The following DSCAM variants were observed in gnomAD, a reference collection of about 807,000 sequenced individuals.
DSCAM encodes cell adhesion molecule DSCAM.
DSCAM carries 47 observed loss-of-function variants against 217.7 expected under a neutral mutation model. That is an observed-to-expected ratio of 0.22 (90% CI 0.17 to 0.28). The LOEUF is 0.28. Among genes scored for constraint, DSCAM ranks in the 10% least tolerant of loss-of-function variants. DSCAM has a pLI of 1.00. For missense variants in DSCAM, 2,080 were observed against 2,618.3 expected (o/e 0.79, Z 4.49); for synonymous variants, 1,056 against 1,015.3 (o/e 1.04, Z -0.76).
At chr21:40,441,365 C>G (rs1317241388) in intron 3 of DSCAM, among the ~76,000 whole-genome samples, 2 of 152,164 alleles carry the variant, frequency 1.3e-5, no homozygotes, top group Non-Finnish European at 2.9e-5. Context: ...GAGCGTTGAC[C>G]ATGTGTGAGT....
In DSCAM at chr21:40,144,136, T is replaced by C. The variant is rs1390883227; in HGVS notation, c.3259+355A>G. On this transcript the variant is annotated intron_variant, in intron 17 of 32. Transcript: ENST00000400454. The surrounding 1 kb of genome is among the most constrained non-coding windows in gnomAD (Gnocchi z 4.8). ...TAAATTTTAAAAAACCTTCTTAACA[T>C]TTGGGAGAAAGTTTTTTAGCAAATA... 1.3e-5 allele frequency among the ~76,000 whole-genome samples: 2 copies of C among 152,196 alleles called. No individual in the cohort carries two copies. The highest frequency in any genetic ancestry group is 1.3e-4 in the Admixed American group (2 of 15,286).
intron 3 of DSCAM, among the ~76,000 whole-genome samples, chr21:40,379,919 C>T (rs1306080482): frequency 7.2e-5 from 11 of 151,988 alleles, no homozygotes; most frequent in Admixed American, 7.2e-4. Context: ...ATAATGAAGC[C>T]CCAGCGTGGA....
At chr21:40,750,214 C>T (rs370773582) in intron 1 of DSCAM, among the ~76,000 whole-genome samples, 3 of 152,148 alleles carry the variant, frequency 2.0e-5, no homozygotes, top group African/African-American at 7.2e-5. Flanking sequence ...AGGCATGAGC[C>T]ACCATGCCTG....
At chr21:40,582,467 G>A (rs982847973) in intron 3 of DSCAM, among the ~76,000 whole-genome samples, 2 of 152,118 alleles carry the variant, frequency 1.3e-5, no homozygotes, top group Admixed American at 6.5e-5. Context: ...AGGATCAAGA[G>A]CAACACATTC....
intron 19 of DSCAM, among the ~76,000 whole-genome samples, chr21:40,132,218 C>T (rs1300459645): frequency 6.6e-6 from 1 of 152,138 alleles, no homozygotes; most frequent in African/African-American, 2.4e-5. Flanking sequence ...CAGGTGTTTT[C>T]AGACACCACT....
At chr21:40,382,916 G>T (rs1201132136) in intron 3 of DSCAM, among the ~76,000 whole-genome samples, 1 of 152,186 alleles carries the variant, frequency 6.6e-6, no homozygotes, top group Non-Finnish European at 1.5e-5. Context: ...TACCTAAAAG[G>T]CTAATTCCTA....
chr21:40,324,104 A>G (rs2074290004), intron 8 of DSCAM, among the ~76,000 whole-genome samples: 3 of 46,540 alleles, frequency 6.4e-5, no homozygotes, highest in Admixed American at 2.7e-4. Context: ...ACTCTGTCTC[A>G]AAAAAAAAAA....
chr21:40,811,905 A>C (rs922557529), intron 1 of DSCAM, among the ~76,000 whole-genome samples: 7 of 152,158 alleles, frequency 4.6e-5, no homozygotes, highest in African/African-American at 1.7e-4. Flanking sequence ...CTCACTTCTT[A>C]GTGCCTTTAG....
intron 11 of DSCAM, among the ~76,000 whole-genome samples, chr21:40,214,315 A>G (rs1236815188): frequency 1.3e-5 from 2 of 152,202 alleles, no homozygotes; most frequent in South Asian, 2.1e-4. Context: ...CTGAGACTCT[A>G]AAGAGTGGCA....
intron 27 of DSCAM, among the ~76,000 whole-genome samples, chr21:40,065,022 C>T (rs1007966944): frequency 6.6e-6 from 1 of 151,948 alleles, no homozygotes; most frequent in Admixed American, 6.6e-5. Context: ...AGGCTCTGGG[C>T]ATTAGAGAAG....
intron 14 of DSCAM, among the ~76,000 whole-genome samples, chr21:40,182,180 A>T (rs2090811500): frequency 6.6e-6 from 1 of 152,198 alleles, no homozygotes; most frequent in African/African-American, 2.4e-5. Flanking sequence ...CTGGAGGTGA[A>T]TTACATGAAA....
intron 10 of DSCAM, among the ~76,000 whole-genome samples, chr21:40,281,861 A>G (rs1601514612): frequency 6.6e-6 from 1 of 152,294 alleles, no homozygotes; most frequent in East Asian, 1.9e-4. Context: ...TTCATTTTCC[A>G]AAGCACTTTG....
At chr21:40,484,302 T>G (rs999738264) in intron 3 of DSCAM, among the ~76,000 whole-genome samples, 2 of 152,102 alleles carry the variant, frequency 1.3e-5, no homozygotes, top group African/African-American at 4.8e-5. Flanking sequence ...ATCCATCCTA[T>G]CTATACCTTA....
intron 32 of DSCAM, among the ~76,000 whole-genome samples, chr21:40,042,075 A>C (rs2088761333): frequency 6.6e-6 from 1 of 152,194 alleles, no homozygotes; most frequent in South Asian, 2.1e-4. Flanking sequence ...AGAGGCCAGC[A>C]CAGGGAGAAC....
At chr21:40,688,008 C>G (rs2090500407) in intron 3 of DSCAM, among the ~76,000 whole-genome samples, 1 of 152,242 alleles carries the variant, frequency 6.6e-6, no homozygotes, top group East Asian at 1.9e-4. Context: ...GAAAATTGTT[C>G]ACGTTTAGCC....
chr21:40,781,489 T>G (rs2091543991), intron 1 of DSCAM, among the ~76,000 whole-genome samples: 1 of 152,206 alleles, frequency 6.6e-6, no homozygotes, highest in African/African-American at 2.4e-5. Context: ...AGACACAGAT[T>G]TGTTTTCAAC....
intron 3 of DSCAM, among the ~76,000 whole-genome samples, chr21:40,671,432 T>C (rs1601837767): frequency 1.3e-5 from 2 of 152,188 alleles, no homozygotes; most frequent in East Asian, 1.9e-4. Context: ...TCCCAGCAGT[T>C]TGGGAGGCTG....
chr21:40,593,145 A>C (rs961002912), intron 3 of DSCAM, among the ~76,000 whole-genome samples: 6 of 152,134 alleles, frequency 3.9e-5, no homozygotes, highest in African/African-American at 1.4e-4. Flanking sequence ...CATATGTTTT[A>C]TATATTGGAA....
chr21:40,279,316 G>C (rs1351122927), intron 10 of DSCAM, among the ~76,000 whole-genome samples: 1 of 152,032 alleles, frequency 6.6e-6, no homozygotes, highest in Non-Finnish European at 1.5e-5. Flanking sequence ...GTATAATGTA[G>C]ATAATTTAAA....
Sources: gnomAD v4.1 joint callset for allele counts (sites outside exome capture counted in the v4.1 genomes callset) on GRCh38, gnomAD v4.1.1 for gene constraint, Gnocchi (gnomAD v3.1) non-coding constraint, MANE v1.5 for transcripts, NCBI Gene and HGNC (gene_info 2026-07-23, HGNC 2026-07-21) for gene names.